Variants in IFT27 observed in about 807,000 individuals in gnomAD.
IFT27 encodes intraflagellar transport protein 27 homolog.
IFT27 carries 19 observed loss-of-function variants against 23.9 expected under a neutral mutation model. The observed-to-expected ratio is 0.79, with a 90% CI of 0.55 to 1.16. The LOEUF (loss-of-function observed/expected upper bound fraction) is 1.16. IFT27 is among the 50% of genes most tolerant of loss of function. The probability of loss-of-function intolerance (pLI) is 0.00; values close to 1 mark genes in which losing one functional copy is unlikely to be tolerated. For missense variants in IFT27, 206 were observed against 228.7 expected (o/e 0.90, Z 0.64); for synonymous variants, 91 against 89.1 (o/e 1.02, Z -0.12).
At position 36,776,055 on chromosome 22, in the gene IFT27, C is replaced by A. The variant is rs959739207; in HGVS notation, c.-348G>T. On this transcript the variant is annotated 5_prime_UTR_variant, in exon 1 of 7. Transcript: ENST00000433985. Reference sequence around the variant, plus strand: ...CCCAGAGGGTTCAAGGAAGGACGATCCGGCTCTCCTCCGATCACAAGTACC... The same window carrying A: ...CCCAGAGGGTTCAAGGAAGGACGATACGGCTCTCCTCCGATCACAAGTACC... 22 of 364,320 alleles carry A rather than the reference C, an allele frequency of 6.0e-5. No homozygotes were observed. The highest frequency in any genetic ancestry group is 4.1e-4 in the African/African-American group (20 of 49,060). The allele number at this position is 364,320 out of a possible 1,614,324, so 22.6% of individuals were successfully genotyped here. A position where few individuals can be genotyped will look rare whatever the true frequency, so the allele number is the denominator to read the frequency against.
chr22:36,775,434 T>C (rs193198816), intron 1 of IFT27, among the ~76,000 whole-genome samples: 284 of 152,306 alleles, frequency 1.9e-3, no homozygotes, highest in African/African-American at 6.4e-3. Context: ...CCTCAACTGG[T>C]GAAGGTGGTC....
chr22:36,775,592 A>G (rs928347329), intron 1 of IFT27, 82 bp downstream of exon 1: 9 of 1,454,392 alleles, frequency 6.2e-6, no homozygotes, highest in Non-Finnish European at 7.7e-6. Context: ...TAGGCAATTT[A>G]GGTGAACAAA....
At chr22:36,758,607 G>A in intron 6 of IFT27, 198 bp from the exon 7 acceptor site, 1 of 584,738 alleles carries the variant, frequency 1.7e-6, no homozygotes, top group South Asian at 2.0e-5. Flanking sequence ...CAGAGATGAA[G>A]GTACCTTGCA....
chr22:36,766,677 G>A (rs1308710692), intron 3 of IFT27, among the ~76,000 whole-genome samples: 1 of 152,202 alleles, frequency 6.6e-6, no homozygotes, highest in African/African-American at 2.4e-5. Context: ...TGGCTAAGGT[G>A]TGAGGCAGAC....
At chr22:36,775,629 G>A in intron 1 of IFT27, 45 bp downstream of exon 1, 1 of 1,605,542 alleles carries the variant, frequency 6.2e-7, no homozygotes, top group Non-Finnish European at 8.5e-7. Flanking sequence ...TGAAGGCTCT[G>A]GACTCCAGAG....
chr22:36,772,128 T>C (rs1938398035), intron 1 of IFT27, among the ~76,000 whole-genome samples: 1 of 152,226 alleles, frequency 6.6e-6, no homozygotes, highest in Admixed American at 6.5e-5. Context: ...CTGAAGGCCA[T>C]CTCTCCCTCC....
At chr22:36,771,649 C>CCTTCCT (rs1938388508) in intron 1 of IFT27, among the ~76,000 whole-genome samples, 1 of 152,230 alleles carries the variant, frequency 6.6e-6, no homozygotes, top group East Asian at 1.9e-4. Context: ...CCTCTGCCCG[C>CCTTCCT]CAATCTGTGT....
chr22:36,766,372 C>G, intron 3 of IFT27, 175 bp from the exon 4 acceptor site: 2 of 616,696 alleles, frequency 3.2e-6, no homozygotes, highest in African/African-American at 1.8e-5. Context: ...GGGAAAGGAG[C>G]GAACTCCAGA....
rs2145920411 is a variant in IFT27, at chr22:36,767,294, G to A, written c.174+12C>T. The A allele has an allele frequency of 6.2e-7, 1 of 1,611,952 alleles. No individual in the cohort carries two copies. Among genetic ancestry groups the A allele is most frequent in the Non-Finnish European group, 8.5e-7 (1 of 1,178,220 alleles). ...GGAGCCCTGAGTTCCCCTGGGTAAA[G>A]GCATCACTCACCACACTGTCTCCCG... On this transcript the variant is annotated intron_variant, in intron 3 of 6. Transcript: ENST00000433985.
chr22:36,765,940 C>T (rs528858225), intron 4 of IFT27, among the ~76,000 whole-genome samples, 198 bp downstream of exon 4: 2 of 152,290 alleles, frequency 1.3e-5, no homozygotes, highest in East Asian at 1.9e-4. Context: ...AGCTGGGGCC[C>T]GGGCAGTCAC....
At chr22:36,758,568 G>A in intron 6 of IFT27, 159 bp from the exon 7 acceptor site, 1 of 620,352 alleles carries the variant, frequency 1.6e-6, no homozygotes, top group South Asian at 1.9e-5. Context: ...AGTTTTACAA[G>A]AAGGAAACTC....
intron 3 of IFT27, 50 bp downstream of exon 3, chr22:36,767,256 G>T (rs1309504091): frequency 6.7e-7 from 1 of 1,490,530 alleles, no homozygotes; most frequent in East Asian, 2.3e-5. Flanking sequence ...CAGAGACCCT[G>T]GGCCCAGCTG....
chr22:36,762,974 C>G lies in IFT27; in HGVS notation c.392G>C (p.Arg131Pro), dbSNP rs551959746. 3.7e-6 allele frequency: 6 copies of G among 1,606,678 alleles called. No homozygotes were observed. In the East Asian group the frequency reaches 1.3e-4, roughly 36 times the overall value. Residue 131 changes from arginine to proline, a missense_variant, in exon 6 of 7, where the codon CGA becomes CCA. By Grantham distance (103) the Arg-to-Pro change is moderately radical (BLOSUM62 -2). Coordinates refer to ENST00000433985, the MANE Select transcript of IFT27 (RefSeq NM_001177701.3). Reference protein sequence around the residue: ...VGNKTDLAGRRAVDSAEARAW... With the variant: ...VGNKTDLAGRPAVDSAEARAW... ...CCGGGCCTCAGCTGAGTCCACTGCT[C>G]GTCTGCCGGCCAGGTCTGTCTTGTT...
intron 1 of IFT27, among the ~76,000 whole-genome samples, chr22:36,774,594 A>C (rs1206423817): frequency 2.0e-5 from 3 of 152,156 alleles, no homozygotes. Context: ...GATCACCTGA[A>C]GTCAGGAGTT....
At chr22:36,767,623 C>G (rs1372136408) in intron 2 of IFT27, among the ~76,000 whole-genome samples, 160 bp downstream of exon 2, 1 of 152,174 alleles carries the variant, frequency 6.6e-6, no homozygotes, top group South Asian at 2.1e-4. Context: ...TAGCCAACCT[C>G]TCACCCTGGG....
At chr22:36,767,255 T>C (rs766361892) in intron 3 of IFT27, 51 bp downstream of exon 3, 8 of 1,487,656 alleles carry the variant, frequency 5.4e-6, no homozygotes, top group South Asian at 2.3e-5. Flanking sequence ...ACAGAGACCC[T>C]GGGCCCAGCT....
At chr22:36,775,082 C>T (rs561545435) in intron 1 of IFT27, among the ~76,000 whole-genome samples, 142 of 152,274 alleles carry the variant, frequency 9.3e-4, no homozygotes, top group South Asian at 5.2e-3. Context: ...GTTCTGGGTG[C>T]TTGGGATGTA....
At chr22:36,764,484 C>T (rs1421109211) in intron 4 of IFT27, among the ~76,000 whole-genome samples, 1 of 152,260 alleles carries the variant, frequency 6.6e-6, no homozygotes, top group East Asian at 1.9e-4. Flanking sequence ...TCACCTGCAG[C>T]TGGCCTCATT....
Position 36,775,735 on chromosome 22 carries a change from C to T in IFT27, c.-28G>A. On this transcript the variant is annotated 5_prime_UTR_variant, in exon 1 of 7. Transcript: ENST00000433985. The stretch of plus-strand genomic sequence containing the variant: ...TAACCAACACTCCCGCGAGCCGTAC[C>T]CAGAGGACAAGAGCGGCTGCTAGAG... The T allele has an allele frequency of 4.3e-6, 7 of 1,613,978 alleles. No individual in the cohort carries two copies. The highest frequency in any genetic ancestry group is 5.9e-6 in the Non-Finnish European group (7 of 1,179,888).
Sources: gnomAD v4.1 joint callset for allele counts (sites outside exome capture counted in the v4.1 genomes callset) on GRCh38, gnomAD v4.1.1 for gene constraint, MANE v1.5 for transcripts, NCBI Gene and HGNC (gene_info 2026-07-23, HGNC 2026-07-21) for gene names.